PVT1: variants seen among roughly 807,000 people sequenced by gnomAD.
PVT1 encodes CXCR4/PVT1 fusion.
chr8:127,920,915 T>C (rs1012914923), intron 3 of PVT1, among the ~76,000 whole-genome samples: 2 of 152,328 alleles, frequency 1.3e-5, no homozygotes, highest in South Asian at 4.1e-4. Context: ...GAGTGTGTAT[T>C]TTGCATGGAA....
intron 2 of PVT1, among the ~76,000 whole-genome samples, chr8:127,880,704 A>G (rs1815456902): frequency 6.7e-6 from 1 of 150,012 alleles, no homozygotes; most frequent in Non-Finnish European, 1.5e-5. Context: ...GGGTTCAAGC[A>G]ATTATCCTGC....
chr8:127,875,599 C>T lies in PVT1; in HGVS notation n.373-14990C>T, dbSNP rs574344221. Among the ~76,000 whole-genome samples, 10 of 152,248 alleles carry T rather than the reference C, an allele frequency of 6.6e-5. No individual in the cohort carries two copies. The East Asian group carries it at 9.6e-4, about 15-fold the overall frequency. ...TCCATTTCCTTCTTCTCCTCTAAGGCGCTCCACATCTCCGTGATATAGCGT... is the reference window on the plus strand; with the variant it reads ...TCCATTTCCTTCTTCTCCTCTAAGGTGCTCCACATCTCCGTGATATAGCGT... On this transcript the variant is annotated intron_variant and non_coding_transcript_variant, in intron 2 of 10. Coordinates refer to ENST00000651587, the Ensembl canonical transcript of PVT1.
rs1813735698 is a variant in PVT1, at chr8:128,054,076, A to G, written n.913-16084A>G. Reference sequence around the variant, plus strand: ...CTGGGTTGCATATCTGCTGGTGACTATAGGAGGTGGTGGGAGGATGTGAAT... The same window carrying G: ...CTGGGTTGCATATCTGCTGGTGACTGTAGGAGGTGGTGGGAGGATGTGAAT... On this transcript the variant is annotated intron_variant and non_coding_transcript_variant, in intron 4 of 10. Transcript: ENST00000651587. Among the ~76,000 whole-genome samples, 4 of 152,216 alleles carry G rather than the reference A, an allele frequency of 2.6e-5. No homozygotes were observed. In the South Asian group the frequency reaches 8.3e-4, roughly 31 times the overall value.
At position 128,080,039 on chromosome 8, in the gene PVT1, C is replaced by T. The variant is rs1462754258; in HGVS notation, n.1114+9678C>T. On this transcript the variant is annotated intron_variant and non_coding_transcript_variant, in intron 5 of 10. Transcript: ENST00000651587. The stretch of plus-strand genomic sequence containing the variant: ...CACTTAGTAATATGCATTTAAGGTC[C>T]CTCCATGTCTTTTCATAGCTTAACA... Among the ~76,000 whole-genome samples the T allele has an allele frequency of 2.6e-5, 4 of 152,176 alleles. No individual in the cohort carries two copies. In the East Asian group the frequency reaches 7.7e-4, roughly 29 times the overall value.
chr8:127,924,810 C>T (rs1816109827), intron 3 of PVT1, among the ~76,000 whole-genome samples: 1 of 152,032 alleles, frequency 6.6e-6, no homozygotes, highest in Non-Finnish European at 1.5e-5. Flanking sequence ...CGCACCAGAC[C>T]CCAACTTTTG....
intron 2 of PVT1, among the ~76,000 whole-genome samples, chr8:127,849,359 C>G (rs911757001): frequency 6.6e-6 from 1 of 152,094 alleles, no homozygotes; most frequent in African/African-American, 2.4e-5. Context: ...CTCTGGGGAC[C>G]CTCATAGGCT....
intron 3 of PVT1, among the ~76,000 whole-genome samples, chr8:127,980,133 C>T (rs143797643): frequency 5.3e-5 from 8 of 152,066 alleles, no homozygotes; most frequent in African/African-American, 1.4e-4. Context: ...CTTCCTGCCT[C>T]GACCTCCTGA....
chr8:127,796,472 A>T, intron 2 of PVT1, among the ~76,000 whole-genome samples: 1 of 151,768 alleles, frequency 6.6e-6, no homozygotes, highest in South Asian at 2.1e-4. Flanking sequence ...CCTGTTCTTT[A>T]GTTGTTTTTT....
intron 2 of PVT1, among the ~76,000 whole-genome samples, chr8:127,843,718 T>G (rs1013928513): frequency 6.6e-6 from 1 of 151,326 alleles, no homozygotes; most frequent in Non-Finnish European, 1.5e-5. Flanking sequence ...GTGCTGGGAT[T>G]ACAGGCGTGA....
intron 3 of PVT1, among the ~76,000 whole-genome samples, chr8:127,958,926 G>A (rs1032910389): frequency 6.6e-6 from 1 of 152,014 alleles, no homozygotes; most frequent in Non-Finnish European, 1.5e-5. Context: ...GGATACTATC[G>A]AAGGGGAGTC....
intron 2 of PVT1, among the ~76,000 whole-genome samples, chr8:127,834,416 A>G (rs1409044475): frequency 6.6e-6 from 1 of 152,184 alleles, no homozygotes. Flanking sequence ...TACAAAAATT[A>G]ACTCAAGATG....
chr8:128,039,416 C>T (rs946364591), intron 4 of PVT1, among the ~76,000 whole-genome samples: 1 of 152,226 alleles, frequency 6.6e-6, no homozygotes, highest in Non-Finnish European at 1.5e-5. Context: ...TCAGTGTTCC[C>T]TCCCTTCCTG....
At chr8:128,056,231 T>A (rs140480697) in intron 4 of PVT1, among the ~76,000 whole-genome samples, 1 of 152,332 alleles carries the variant, frequency 6.6e-6, no homozygotes, top group African/African-American at 2.4e-5. Context: ...ATGGGGATAA[T>A]GTTGGTACTG....
intron 4 of PVT1, among the ~76,000 whole-genome samples, chr8:127,991,204 G>A (rs1235276780): frequency 1.5e-4 from 22 of 144,536 alleles, no homozygotes; most frequent in Non-Finnish European, 2.5e-4. Context: ...GTGCAGTGGC[G>A]CAATCTCGGC....
At chr8:127,839,332 CAGGAG>C (rs1814946571) in intron 2 of PVT1, among the ~76,000 whole-genome samples, 1 of 151,796 alleles carries the variant, frequency 6.6e-6, no homozygotes, top group African/African-American at 2.4e-5. Flanking sequence ...AGGATCACTT[CAGGAG>C]AGGAGTTTGA....
At chr8:128,056,425 T>C (rs532818347) in intron 4 of PVT1, among the ~76,000 whole-genome samples, 1 of 152,346 alleles carries the variant, frequency 6.6e-6, no homozygotes, top group South Asian at 2.1e-4. Context: ...CTATATACAA[T>C]ATATATTCAT....
intron 3 of PVT1, among the ~76,000 whole-genome samples, chr8:127,924,994 A>G (rs1816111875): frequency 6.6e-6 from 1 of 152,214 alleles, no homozygotes; most frequent in Non-Finnish European, 1.5e-5. Context: ...AACCATCACC[A>G]CAATCAATTT....
At chr8:127,865,163 G>C (rs780577990) in intron 2 of PVT1, among the ~76,000 whole-genome samples, 4 of 152,180 alleles carry the variant, frequency 2.6e-5, no homozygotes, top group Non-Finnish European at 5.9e-5. Flanking sequence ...ATTTGGACGA[G>C]GATTCTCAGG....
chr8:128,075,933 C>A (rs1280033257), intron 5 of PVT1, among the ~76,000 whole-genome samples: 1 of 152,224 alleles, frequency 6.6e-6, no homozygotes, highest in Non-Finnish European at 1.5e-5. Context: ...TTGGTAGCTA[C>A]AACACATTTT....
Sources: allele counts gnomAD v4.1 joint callset (sites outside exome capture counted in the v4.1 genomes callset), GRCh38; gene constraint gnomAD v4.1.1; transcripts MANE v1.5; gene names NCBI Gene and HGNC (gene_info 2026-07-23, HGNC 2026-07-21).